The following ARHGEF4 variants were observed in gnomAD, a reference collection of about 807,000 sequenced individuals.
ARHGEF4 encodes the protein Rho guanine nucleotide exchange factor 4.
In ARHGEF4, 119 loss-of-function variants were observed where a neutral mutation model predicts 162.0. The observed-to-expected ratio is 0.73, with a 90% CI of 0.63 to 0.86. ARHGEF4 has a LOEUF of 0.86. ARHGEF4 is among the 40% of genes least tolerant of loss of function. The pLI is 0.00. For missense variants in ARHGEF4, 2,488 were observed against 2,456.0 expected, an observed-to-expected ratio of 1.01 and a Z score of -0.28; for synonymous variants, 1,014 against 979.9, an observed-to-expected ratio of 1.03 and a Z score of -0.65.
In ARHGEF4 at chr2:130,916,806, G is replaced by A. The variant is rs1214233301; in HGVS notation, c.2860G>A (p.Ala954Thr). Residue 954 changes from alanine to threonine, a missense_variant, in exon 2 of 14, where the codon GCG becomes ACG. Around this residue, in one of 6 missense-constraint regions of ARHGEF4, gnomAD observed 1,642 missense variants for 1,481.5 expected, o/e 1.11. Coordinates refer to ENST00000409359, the MANE Select transcript of ARHGEF4 (RefSeq NM_001367493.1). Reference protein sequence around the residue: ...KSRLRQGSWRAFLKSKDAGSP... With the variant: ...KSRLRQGSWRTFLKSKDAGSP... ...CAGGCTGCGCCAGGGTTCCTGGCGG[G>A]CGTTTCTGAAAAGCAAAGATGCCGG... The A allele has an allele frequency of 6.4e-7, 1 of 1,550,446 alleles. No individual in the cohort carries two copies. The highest frequency in any genetic ancestry group is 1.4e-5 in the African/African-American group (1 of 73,134).
At chr2:131,034,269 C>G (rs908702848) in intron 5 of ARHGEF4, among the ~76,000 whole-genome samples, 2 of 152,218 alleles carry the variant, frequency 1.3e-5, no homozygotes, top group Non-Finnish European at 2.9e-5. Flanking sequence ...TTAGCCCTCT[C>G]CCCTGCAGTC....
At chr2:130,958,920 C>T (rs2105182872) in intron 4 of ARHGEF4, among the ~76,000 whole-genome samples, 1 of 151,530 alleles carries the variant, frequency 6.6e-6, no homozygotes. Flanking sequence ...GTGCTCATGG[C>T]ATATCTAGAT....
intron 4 of ARHGEF4, among the ~76,000 whole-genome samples, chr2:130,977,109 G>C (rs1456176046): frequency 6.6e-6 from 1 of 151,428 alleles, no homozygotes; most frequent in Non-Finnish European, 1.5e-5. Context: ...AGTGTGTGTG[G>C]TGTATGTGAT....
intron 4 of ARHGEF4, among the ~76,000 whole-genome samples, chr2:130,950,688 C>CT (rs1683902789): frequency 7.0e-6 from 1 of 143,694 alleles, no homozygotes; most frequent in African/African-American, 2.5e-5. Context: ...TAGCTATTAC[C>CT]CCCCACCACC....
chr2:130,841,286 G>A (rs1193145917), intron 1 of ARHGEF4, among the ~76,000 whole-genome samples: 1 of 151,546 alleles, frequency 6.6e-6, no homozygotes. Flanking sequence ...GGCTGGTCTC[G>A]AACTCCTGAC....
intron 4 of ARHGEF4, among the ~76,000 whole-genome samples, chr2:130,968,959 C>G (rs1006328265): frequency 3.9e-5 from 6 of 152,074 alleles, no homozygotes; most frequent in Admixed American, 3.9e-4. Context: ...TATGAACTAT[C>G]CATTATACTT....
chr2:131,019,107 A>G (rs1688934269), intron 4 of ARHGEF4, among the ~76,000 whole-genome samples: 1 of 152,214 alleles, frequency 6.6e-6, no homozygotes, highest in Admixed American at 6.5e-5. Flanking sequence ...GAATTTTTCT[A>G]TGTGTGTAAA....
At chr2:131,002,698 A>AG (rs1411739919) in intron 4 of ARHGEF4, among the ~76,000 whole-genome samples, 2 of 123,816 alleles carry the variant, frequency 1.6e-5, no homozygotes, top group African/African-American at 6.0e-5. Flanking sequence ...CGACAGAGCG[A>AG]GACTCCGTCT....
intron 4 of ARHGEF4, among the ~76,000 whole-genome samples, chr2:130,966,654 G>A (rs1006998134): frequency 2.0e-5 from 3 of 152,184 alleles, no homozygotes; most frequent in African/African-American, 4.8e-5. Context: ...CTGTGCCAGC[G>A]AGGACGGGCA....
chr2:130,854,935 G>A (rs928216585), intron 1 of ARHGEF4, among the ~76,000 whole-genome samples: 18 of 151,532 alleles, frequency 1.2e-4, no homozygotes, highest in South Asian at 4.2e-4. Flanking sequence ...GTGCAGTGGC[G>A]CAATCTCGGC....
intron 4 of ARHGEF4, among the ~76,000 whole-genome samples, chr2:130,981,676 A>G (rs1278580819): frequency 6.6e-6 from 1 of 151,890 alleles, no homozygotes; most frequent in African/African-American, 2.4e-5. Context: ...AAAAAAAGAA[A>G]AAAAAGAAGT....
intron 4 of ARHGEF4, among the ~76,000 whole-genome samples, chr2:130,959,981 C>G (rs1381618549): frequency 6.6e-6 from 1 of 152,218 alleles, no homozygotes; most frequent in Non-Finnish European, 1.5e-5. Flanking sequence ...TCAAAAAACA[C>G]TGAACCTTCT....
intron 4 of ARHGEF4, among the ~76,000 whole-genome samples, chr2:130,990,423 C>T (rs1330652642): frequency 6.6e-6 from 1 of 152,048 alleles, no homozygotes; most frequent in South Asian, 2.1e-4. Context: ...TTATTAGCTT[C>T]TTGGTGAGTT....
At chr2:130,987,848 C>T (rs533501760) in intron 4 of ARHGEF4, among the ~76,000 whole-genome samples, 1 of 152,198 alleles carries the variant, frequency 6.6e-6, no homozygotes, top group Admixed American at 6.5e-5. Context: ...CAGAAATGAT[C>T]TTTGAATTTA....
chr2:130,912,301 C>A (rs939750438), intron 1 of ARHGEF4, among the ~76,000 whole-genome samples: 1 of 152,368 alleles, frequency 6.6e-6, no homozygotes, highest in Non-Finnish European at 1.5e-5. Context: ...GGAGACAGTT[C>A]CTGCAGCAGA....
intron 1 of ARHGEF4, among the ~76,000 whole-genome samples, chr2:130,865,874 A>C (rs1682236101): frequency 6.6e-6 from 1 of 151,864 alleles, no homozygotes; most frequent in South Asian, 2.1e-4. Flanking sequence ...CTGAGGGGGG[A>C]TCTCTGGTGC....
At chr2:130,884,302 GCACACA>G (rs146732158) in intron 1 of ARHGEF4, among the ~76,000 whole-genome samples, 5 of 150,564 alleles carry the variant, frequency 3.3e-5, no homozygotes, top group African/African-American at 7.3e-5. Flanking sequence ...ATAGGCACGT[GCACACA>G]CACACACACA....
intron 1 of ARHGEF4, among the ~76,000 whole-genome samples, chr2:130,890,878 A>G (rs1679823421): frequency 6.6e-6 from 1 of 152,142 alleles, no homozygotes; most frequent in South Asian, 2.1e-4. Context: ...ATGCGGTATC[A>G]TGTCTCTCGA....
chr2:130,893,158 C>T (rs1211513222), intron 1 of ARHGEF4, among the ~76,000 whole-genome samples: 2 of 152,244 alleles, frequency 1.3e-5, no homozygotes, highest in Admixed American at 6.5e-5. Context: ...CTTGCGAGCA[C>T]GTGCTTAATT....
Sources: allele counts gnomAD v4.1 joint callset (sites outside exome capture counted in the v4.1 genomes callset), GRCh38; gene constraint gnomAD v4.1.1; regional missense constraint gnomAD v4.1.1; transcripts MANE v1.5; gene names NCBI Gene and HGNC (gene_info 2026-07-23, HGNC 2026-07-21).